SEMA6D: variants seen among roughly 807,000 people sequenced by gnomAD.
SEMA6D encodes the protein semaphorin-6D.
Under a neutral mutation model 106.6 loss-of-function variants are expected in SEMA6D, and 35 were observed. The ratio of observed to expected loss-of-function variants is 0.33; its 90% confidence interval spans 0.25 to 0.44. The LOEUF (loss-of-function observed/expected upper bound fraction) is 0.44, where lower values mean the gene tolerates loss of function less well. SEMA6D is among the 20% of genes least tolerant of loss of function. SEMA6D has a pLI of 1.00. For synonymous variants in SEMA6D, 499 were observed against 487.7 expected, an observed-to-expected ratio of 1.02 and a Z score of -0.31; for missense variants, 1,185 against 1,345.9, an observed-to-expected ratio of 0.88 and a Z score of 1.87.
intron 1 of SEMA6D, among the ~76,000 whole-genome samples, chr15:47,205,461 C>G (rs910501264): frequency 5.9e-5 from 9 of 152,080 alleles, no homozygotes; most frequent in African/African-American, 2.2e-4. Context: ...AATAAGTAAA[C>G]CTTCAGGTTA....
At chr15:47,599,509 A>G (rs1401211832) in intron 3 of SEMA6D, among the ~76,000 whole-genome samples, 2 of 151,824 alleles carry the variant, frequency 1.3e-5, no homozygotes, top group African/African-American at 4.8e-5. Flanking sequence ...TCCAGGGTTC[A>G]CTGTATAAAC....
At chr15:47,367,797 T>G (rs1156859012) in intron 1 of SEMA6D, among the ~76,000 whole-genome samples, 2 of 152,004 alleles carry the variant, frequency 1.3e-5, no homozygotes, top group Non-Finnish European at 2.9e-5. Context: ...CAATCTGTAT[T>G]TAAGTTGACA....
chr15:47,573,193 G>T (rs2076093577), intron 3 of SEMA6D, among the ~76,000 whole-genome samples: 1 of 151,494 alleles, frequency 6.6e-6, no homozygotes, highest in African/African-American at 2.4e-5. Flanking sequence ...AAAATTCAAA[G>T]TTTTGATTTA....
chr15:47,367,678 A>G (rs199752186), intron 1 of SEMA6D, among the ~76,000 whole-genome samples: 2,286 of 137,516 alleles, frequency 0.017, 37 homozygotes, highest in Middle Eastern at 0.039. Context: ...GCACGCTCAC[A>G]CGCGCGCGCG....
intron 3 of SEMA6D, among the ~76,000 whole-genome samples, chr15:47,502,514 G>A (rs370323386): frequency 2.6e-5 from 4 of 152,070 alleles, no homozygotes; most frequent in African/African-American, 7.2e-5. Flanking sequence ...TCCCACCTCC[G>A]GCCTGAAGTG....
At chr15:47,310,263 A>G (rs1294080266) in intron 1 of SEMA6D, among the ~76,000 whole-genome samples, 1 of 152,172 alleles carries the variant, frequency 6.6e-6, no homozygotes, top group African/African-American at 2.4e-5. Context: ...TAGAAACCAT[A>G]TGCCCCATCA....
intron 1 of SEMA6D, among the ~76,000 whole-genome samples, chr15:47,305,847 T>A (rs1287730721): frequency 6.6e-6 from 1 of 152,234 alleles, no homozygotes; most frequent in African/African-American, 2.4e-5. Flanking sequence ...GTAGATCTTC[T>A]CATATTGGCC....
chr15:47,451,605 C>G (rs2042195180), intron 2 of SEMA6D, among the ~76,000 whole-genome samples: 1 of 152,050 alleles, frequency 6.6e-6, no homozygotes. Context: ...CCTTTCCCCA[C>G]AAACCCAAAT....
chr15:47,393,614 G>A, intron 1 of SEMA6D: 1 of 152,124 alleles, frequency 6.6e-6, no homozygotes, highest in East Asian at 1.9e-4. Context: ...CTTATGTATA[G>A]GCCTTCCAGT....
rs769450413 is a variant in SEMA6D at position 47,759,892 on chromosome 15, A to G, written c.94A>G (p.Thr32Ala). ...SFPEDDEPLN[T>A]VDYHYSRQYP... ...TCCTGAAGATGATGAACCCCTTAAT[A>G]CTGTCGACTATCACTGTAAGTCGTC... The change falls in exon 2 of 19, where the codon ACT (threonine) becomes GCT (alanine). Residue 32 changes from threonine to alanine, a missense_variant. Transcript: ENST00000536845. 3.7e-5 allele frequency: 59 copies of G among 1,611,272 alleles called. No individual in the cohort carries two copies. Among genetic ancestry groups the G allele is most frequent in the Non-Finnish European group, 4.7e-5 (55 of 1,177,618 alleles).
At chr15:47,594,086 A>G in intron 3 of SEMA6D, among the ~76,000 whole-genome samples, 1 of 152,242 alleles carries the variant, frequency 6.6e-6, no homozygotes, top group East Asian at 1.9e-4. Flanking sequence ...TGCATAGACA[A>G]CATAATTCAC....
chr15:47,542,556 C>T (rs2045388825), intron 3 of SEMA6D, among the ~76,000 whole-genome samples: 1 of 152,180 alleles, frequency 6.6e-6, no homozygotes, highest in Non-Finnish European at 1.5e-5. Flanking sequence ...CCTGTTTTGG[C>T]TTAACAACTT....
intron 4 of SEMA6D, among the ~76,000 whole-genome samples, chr15:47,661,844 A>AT (rs2077926408): frequency 6.6e-6 from 1 of 152,202 alleles, no homozygotes; most frequent in Non-Finnish European, 1.5e-5. Context: ...TAACACAGGT[A>AT]TTTCAGTTAT....
chr15:47,288,814 T>G (rs1312338323), intron 1 of SEMA6D, among the ~76,000 whole-genome samples: 4 of 152,136 alleles, frequency 2.6e-5, no homozygotes, highest in Admixed American at 1.3e-4. Context: ...ACCTGTACAC[T>G]CCACAGCCCA....
At chr15:47,479,554 T>A (rs1386401461) in intron 3 of SEMA6D, among the ~76,000 whole-genome samples, 1 of 152,216 alleles carries the variant, frequency 6.6e-6, no homozygotes, top group African/African-American at 2.4e-5. Flanking sequence ...TATGAGGTTG[T>A]CTTCAAGAGG....
chr15:47,697,774 G>A lies in SEMA6D; in HGVS notation c.-54-61971G>A, dbSNP rs190218281. ...TTCTGATGTTTCCATCTCAACCTGC[G>A]CCCCCACTTCCCCCCGCCTTAGGCG... On this transcript the variant is annotated intron_variant, in intron 4 of 19. Transcript: ENST00000558014. Among the ~76,000 whole-genome samples, 742 of 152,004 alleles carry A rather than the reference G, an allele frequency of 4.9e-3. 8 individuals carry two copies. The highest frequency in any genetic ancestry group is 7.5e-3 in the Non-Finnish European group (508 of 67,986).
chr15:47,386,951 G>A (rs756427729), intron 1 of SEMA6D, among the ~76,000 whole-genome samples: 10 of 152,312 alleles, frequency 6.6e-5, no homozygotes, highest in Admixed American at 4.6e-4. Context: ...TGGCAACGAC[G>A]CTGCCCCTGC....
At chr15:47,734,846 T>C (rs2080351624) in intron 1 of SEMA6D, among the ~76,000 whole-genome samples, 1 of 152,170 alleles carries the variant, frequency 6.6e-6, no homozygotes, top group Non-Finnish European at 1.5e-5. Flanking sequence ...TTAGCACTCT[T>C]CTTGAGAAAG....
At chr15:47,688,773 A>C (rs1221363251) in intron 4 of SEMA6D, among the ~76,000 whole-genome samples, 1 of 152,226 alleles carries the variant, frequency 6.6e-6, no homozygotes, top group Non-Finnish European at 1.5e-5. Flanking sequence ...CTTCACTGAA[A>C]GATGAGGGAT....
Sources: allele counts gnomAD v4.1 joint callset (sites outside exome capture counted in the v4.1 genomes callset), GRCh38; gene constraint gnomAD v4.1.1; transcripts MANE v1.5; gene names NCBI Gene and HGNC (gene_info 2026-07-23, HGNC 2026-07-21).